The following SAMD12 variants were observed in gnomAD, a reference collection of about 807,000 sequenced individuals.
SAMD12 encodes the protein sterile alpha motif domain-containing protein 12.
Under a neutral mutation model 15.0 loss-of-function variants are expected in SAMD12, and 9 were observed. The ratio of observed to expected loss-of-function variants is 0.60; its 90% CI spans 0.36 to 1.05. SAMD12 has a LOEUF of 1.05. Ranked by LOEUF, SAMD12 falls within the 50% of genes least tolerant of loss-of-function variation. The pLI is 0.01. For missense variants in SAMD12, 230 were observed against 234.2 expected, an observed-to-expected ratio of 0.98 and a Z score of 0.12; for synonymous variants, 86 against 90.1, an observed-to-expected ratio of 0.96 and a Z score of 0.25.
intron 4 of SAMD12, among the ~76,000 whole-genome samples, chr8:118,251,681 G>T (rs990985615): frequency 1.3e-5 from 2 of 152,014 alleles, no homozygotes; most frequent in Admixed American, 6.6e-5. Context: ...ACAAAATTGG[G>T]TCCAGCAACC....
chr8:118,275,822 T>C (rs1388578388), intron 4 of SAMD12, among the ~76,000 whole-genome samples: 1 of 152,230 alleles, frequency 6.6e-6, no homozygotes, highest in Non-Finnish European at 1.5e-5. Context: ...TTGGTTCTGT[T>C]CCTGCATTAA....
chr8:118,264,773 T>C (rs1230982463), intron 4 of SAMD12, among the ~76,000 whole-genome samples: 1 of 152,152 alleles, frequency 6.6e-6, no homozygotes, highest in African/African-American at 2.4e-5. Flanking sequence ...TGACATTTTG[T>C]AGATGTGACA....
chr8:118,557,192 T>C (rs1826560557), intron 2 of SAMD12, among the ~76,000 whole-genome samples: 1 of 152,144 alleles, frequency 6.6e-6, no homozygotes, highest in African/African-American at 2.4e-5. Context: ...CCCCATGCTG[T>C]TCTAGTGATA....
chr8:118,479,612 C>G (rs1404816500), intron 2 of SAMD12, among the ~76,000 whole-genome samples: 1 of 152,174 alleles, frequency 6.6e-6, no homozygotes. Context: ...GGTGGGGACA[C>G]AGAGCCAAAC....
chr8:118,320,672 T>TGGGGGGGGGGGGG (rs71569763), intron 4 of SAMD12, among the ~76,000 whole-genome samples: 2 of 85,232 alleles, frequency 2.3e-5, no homozygotes, highest in African/African-American at 3.9e-5. Context: ...TGTCGTGGGG[T>TGGGGGGGGGGGGG]GGGGGGGGTG....
chr8:118,307,989 C>G (rs536322584), intron 4 of SAMD12, among the ~76,000 whole-genome samples: 2 of 152,228 alleles, frequency 1.3e-5, no homozygotes, highest in Admixed American at 6.5e-5. Flanking sequence ...CCTCTTTCCA[C>G]GTGACTGTTT....
At chr8:118,510,610 G>A (rs1825053245) in intron 2 of SAMD12, among the ~76,000 whole-genome samples, 1 of 152,180 alleles carries the variant, frequency 6.6e-6, no homozygotes, top group Non-Finnish European at 1.5e-5. Context: ...CCAGGGTTAT[G>A]CAGTGTAAAC....
chr8:118,436,843 G>A (rs1163885248), intron 3 of SAMD12, among the ~76,000 whole-genome samples: 2 of 152,150 alleles, frequency 1.3e-5, no homozygotes, highest in Non-Finnish European at 2.9e-5. Context: ...GCTCACATGC[G>A]CTGTATGCTC....
chr8:118,468,700 T>A lies in SAMD12; in HGVS notation c.193-28739A>T, dbSNP rs527614623. Among the ~76,000 whole-genome samples the A allele has an allele frequency of 9.9e-5, 15 of 152,102 alleles. No homozygotes were observed. The East Asian group carries it at 2.7e-3, about 27-fold the overall frequency. ...GTGGCAACATACTAGATTTTTCACC[T>A]CTGTTACAACTTGATCACTGACCTT... On this transcript the variant is annotated intron_variant, in intron 2 of 3. Coordinates refer to ENST00000314727, the MANE Select transcript of SAMD12 (RefSeq NM_207506.3).
chr8:118,477,924 G>A (rs1385895297), intron 2 of SAMD12, among the ~76,000 whole-genome samples: 4 of 148,748 alleles, frequency 2.7e-5, no homozygotes, highest in Non-Finnish European at 5.9e-5. Context: ...TGAGGCAGGA[G>A]AATGGTGTGA....
In SAMD12 at chr8:118,210,551, C is replaced by G. The variant is rs17480823; in HGVS notation, c.434-12819G>C. On this transcript the variant is annotated intron_variant, in intron 4 of 4. Coordinates refer to the SAMD12 transcript ENST00000409003. ...CCTGCTGTCCTCCAGAGCAGTGCAG[C>G]TTGGAGAGGGATTCTATTTATTGTT... 2.1e-4 allele frequency among the ~76,000 whole-genome samples: 32 copies of G among 152,268 alleles called. No individual in the cohort carries two copies. The East Asian group carries it at 5.6e-3, about 27-fold the overall frequency.
In SAMD12 at chr8:118,363,356, T is replaced by C. The variant is rs186874483; in HGVS notation, c.433+16204A>G. 3.3e-5 allele frequency among the ~76,000 whole-genome samples: 5 copies of C among 152,220 alleles called. No individual in the cohort carries two copies. In the East Asian group the frequency reaches 9.7e-4, roughly 29 times the overall value. ...GTAAATAGAGTTAGGCAGATTTCCC[T>C]CCCCATGTCAATGGTCTTCATCCAA... On this transcript the variant is annotated intron_variant, in intron 4 of 4. Coordinates refer to the SAMD12 transcript ENST00000409003.
At position 118,531,980 on chromosome 8, in the gene SAMD12, G is replaced by A. The variant is rs999782132; in HGVS notation, c.192+48735C>T. 3.9e-5 allele frequency among the ~76,000 whole-genome samples: 6 copies of A among 152,158 alleles called. No individual in the cohort carries two copies. The South Asian group carries it at 6.2e-4, about 16-fold the overall frequency. On this transcript the variant is annotated intron_variant, in intron 2 of 3. Coordinates refer to ENST00000314727, the MANE Select transcript of SAMD12 (RefSeq NM_207506.3). ...CAACACTATGTTGAATAGGAATGGC[G>A]AGCGAGGGCATCCCTGTCTTGCGCC...
At chr8:118,600,776 G>A (rs751756842) in intron 1 of SAMD12, among the ~76,000 whole-genome samples, 29 of 151,812 alleles carry the variant, frequency 1.9e-4, no homozygotes, top group Non-Finnish European at 3.5e-4. Context: ...TTTCTCCCAA[G>A]CCATTTGTGC....
intron 4 of SAMD12, among the ~76,000 whole-genome samples, chr8:118,256,725 AATG>A (rs1344650471): frequency 1.3e-5 from 2 of 150,848 alleles, no homozygotes; most frequent in African/African-American, 4.9e-5. Context: ...GAACTTGATA[AATG>A]ATTATAAAAT....
At chr8:118,571,615 C>T (rs1827012830) in intron 2 of SAMD12, among the ~76,000 whole-genome samples, 1 of 152,220 alleles carries the variant, frequency 6.6e-6, no homozygotes, top group African/African-American at 2.4e-5. Context: ...CCCAGCTGCT[C>T]TAGCCATAGC....
intron 4 of SAMD12, among the ~76,000 whole-genome samples, chr8:118,205,866 GA>G (rs1819847751): frequency 6.6e-6 from 1 of 152,162 alleles, no homozygotes; most frequent in Non-Finnish European, 1.5e-5. Context: ...GAACGTGAGA[GA>G]AAAAGAATGC....
intron 2 of SAMD12, among the ~76,000 whole-genome samples, chr8:118,456,685 T>C (rs955238768): frequency 6.6e-6 from 1 of 152,244 alleles, no homozygotes; most frequent in African/African-American, 2.4e-5. Context: ...TATTAAAATA[T>C]AGGAATGTGT....
At chr8:118,548,121 A>T (rs1387461819) in intron 2 of SAMD12, among the ~76,000 whole-genome samples, 1 of 152,238 alleles carries the variant, frequency 6.6e-6, no homozygotes, top group Non-Finnish European at 1.5e-5. Flanking sequence ...ATGAAATTAC[A>T]CAGAGAATGG....
Sources: gnomAD v4.1 joint callset for allele counts (sites outside exome capture counted in the v4.1 genomes callset) on GRCh38, gnomAD v4.1.1 for gene constraint, MANE v1.5 for transcripts, NCBI Gene and HGNC (gene_info 2026-07-23, HGNC 2026-07-21) for gene names.